PTPRN2: variants seen among roughly 807,000 people sequenced by gnomAD.
The protein encoded by PTPRN2 is protein tyrosine phosphatase receptor type N2.
A neutral mutation model predicts 118.8 loss-of-function variants in PTPRN2; 74 were observed. That is an observed-to-expected ratio of 0.62 (90% confidence interval 0.52 to 0.76). PTPRN2 has a LOEUF of 0.76. Among genes scored for constraint, PTPRN2 ranks in the 30% least tolerant of loss-of-function variants. PTPRN2 has a pLI of 0.00. For missense variants in PTPRN2, 1,481 were observed against 1,394.4 expected (o/e 1.06, Z -0.99); for synonymous variants, 641 against 608.0 (o/e 1.05, Z -0.80).
chr7:158,125,047 G>T (rs1054420949), intron 9 of PTPRN2, among the ~76,000 whole-genome samples: 6 of 152,208 alleles, frequency 3.9e-5, no homozygotes, highest in Non-Finnish European at 5.9e-5. Context: ...CCATAGGAGG[G>T]GAGACAGCTG....
At chr7:158,428,424 C>A (rs1387454035) in intron 2 of PTPRN2, among the ~76,000 whole-genome samples, 2 of 152,154 alleles carry the variant, frequency 1.3e-5, no homozygotes, top group African/African-American at 4.8e-5. Flanking sequence ...CGCACAGAAA[C>A]TGCAAAGGAG....
intron 10 of PTPRN2, among the ~76,000 whole-genome samples, chr7:158,094,564 C>T (rs1814473819): frequency 1.3e-5 from 2 of 152,192 alleles, no homozygotes; most frequent in African/African-American, 2.4e-5. Flanking sequence ...ACCTCGGCCT[C>T]CCAAACTGCT....
chr7:158,009,503 G>C (rs1805891881), intron 11 of PTPRN2, among the ~76,000 whole-genome samples: 1 of 152,140 alleles, frequency 6.6e-6, no homozygotes, highest in South Asian at 2.1e-4. Flanking sequence ...GTAAATAACA[G>C]CATATTAAAA....
intron 3 of PTPRN2, among the ~76,000 whole-genome samples, chr7:158,232,981 G>A (rs572363061): frequency 7.2e-5 from 11 of 152,188 alleles, no homozygotes; most frequent in African/African-American, 2.4e-4. Flanking sequence ...TAATGAATGG[G>A]GAAACACTGA....
chr7:158,060,498 C>T (rs965409604), intron 11 of PTPRN2, among the ~76,000 whole-genome samples: 3 of 152,226 alleles, frequency 2.0e-5, no homozygotes, highest in Non-Finnish European at 2.9e-5. Context: ...TGTACCTTCA[C>T]GAGGTGATCC....
At chr7:157,725,973 A>T (rs1799567582) in intron 12 of PTPRN2, among the ~76,000 whole-genome samples, 2 of 124,234 alleles carry the variant, frequency 1.6e-5, no homozygotes, top group African/African-American at 6.7e-5. Context: ...CCACATGCAG[A>T]GGAGTGAGCC....
intron 3 of PTPRN2, among the ~76,000 whole-genome samples, chr7:158,257,574 G>A (rs185984889): frequency 8.5e-5 from 13 of 152,308 alleles, no homozygotes; most frequent in Non-Finnish European, 1.6e-4. Context: ...GGACGACCCC[G>A]AGCCCCCAGT....
intron 3 of PTPRN2, among the ~76,000 whole-genome samples, chr7:158,231,505 G>C (rs1360329530): frequency 1.3e-5 from 2 of 152,118 alleles, no homozygotes; most frequent in Non-Finnish European, 2.9e-5. Context: ...GGAAGAGATA[G>C]CCCGCAATAC....
rs147111668 is a variant in PTPRN2, at chr7:158,015,454, TGAGA to T, written c.1723+65840_1723+65843del. The stretch of plus-strand genomic sequence containing the variant: ...AGGGAAAAAGTGAGAGGAGGGGTGG[TGAGA>T]GAGAGAGAGAGAGGAAGAGAGGGAG... On this transcript the variant is annotated intron_variant, in intron 11 of 22. Transcript: ENST00000389418. The surrounding 1 kb of genome is among the most constrained non-coding windows in gnomAD (Gnocchi z 4.2). Among the ~76,000 whole-genome samples, 36 of 127,664 alleles carry T rather than the reference TGAGA, an allele frequency of 2.8e-4. 1 individual carries two copies. The highest frequency in any genetic ancestry group is 1.8e-3 in the Admixed American group (21 of 11,474). 83.8% of individuals were successfully genotyped at this position (127,664 alleles called of 152,430 possible). A position where few individuals can be genotyped will look rare whatever the true frequency, so the allele number is the denominator to read the frequency against.
intron 11 of PTPRN2, among the ~76,000 whole-genome samples, chr7:158,020,427 G>C (rs1208696685): frequency 3.9e-5 from 6 of 152,214 alleles, no homozygotes; most frequent in African/African-American, 1.4e-4. Flanking sequence ...GCCACCTGCA[G>C]CTCTGGGTTG....
chr7:157,755,773 C>T (rs1370929455), intron 12 of PTPRN2, among the ~76,000 whole-genome samples: 1 of 152,188 alleles, frequency 6.6e-6, no homozygotes, highest in Non-Finnish European at 1.5e-5. Context: ...AAAACCACCC[C>T]TTGGCTACTA....
At position 158,067,132 on chromosome 7, in the gene PTPRN2, G is replaced by A. The variant is rs375246434; in HGVS notation, c.1723+14166C>T. ...TTACTATGGCCACAGGAGGGCTGAG[G>A]CATGTTAGATGGGTGGAGGGCAAGG... On this transcript the variant is annotated intron_variant, in intron 11 of 22. Transcript: ENST00000389418. Among the ~76,000 whole-genome samples the A allele has an allele frequency of 1.2e-3, 180 of 152,312 alleles. 1 individual carries two copies. The highest frequency in any genetic ancestry group is 3.9e-3 in the African/African-American group (163 of 41,568).
At chr7:158,303,544 T>C (rs960232519) in intron 3 of PTPRN2, among the ~76,000 whole-genome samples, 1 of 152,254 alleles carries the variant, frequency 6.6e-6, no homozygotes, top group African/African-American at 2.4e-5. Flanking sequence ...AAAATGTCAT[T>C]AAGCTTGCAA....
chr7:158,493,754 T>C (rs1586797000), intron 1 of PTPRN2, among the ~76,000 whole-genome samples: 1 of 94,616 alleles, frequency 1.1e-5, no homozygotes, highest in Non-Finnish European at 2.2e-5. Flanking sequence ...CGTACATGGG[T>C]ACACTCATGC....
intron 4 of PTPRN2, among the ~76,000 whole-genome samples, chr7:158,193,777 A>G (rs1825972317): frequency 6.6e-6 from 1 of 152,142 alleles, no homozygotes; most frequent in East Asian, 1.9e-4. Flanking sequence ...GCACATGACC[A>G]AAAGGGCCCA....
At chr7:157,735,543 G>A (rs566878191) in intron 12 of PTPRN2, among the ~76,000 whole-genome samples, 46 of 152,302 alleles carry the variant, frequency 3.0e-4, no homozygotes, top group African/African-American at 9.6e-4. Context: ...GAAATGATTA[G>A]GTTGTTCAAA....
intron 1 of PTPRN2, among the ~76,000 whole-genome samples, chr7:158,583,308 C>A (rs746497930): frequency 1.3e-5 from 2 of 152,132 alleles, no homozygotes; most frequent in Admixed American, 6.5e-5. Flanking sequence ...ACCTTTGTCC[C>A]GTGTACCCTG....
At position 158,405,177 on chromosome 7, in the gene PTPRN2, C is replaced by T. The variant is rs73729798; in HGVS notation, c.163+84558G>A. Among the ~76,000 whole-genome samples, 1,297 of 152,196 alleles carry T rather than the reference C, an allele frequency of 8.5e-3. 24 individuals are homozygous for T. The highest frequency in any genetic ancestry group is 0.03 in the African/African-American group (1,226 of 41,512). ...AAGACAGCATCACGAACATCCACAC[C>T]CCCTAGGATGCCTGGAGTCCACATC... On this transcript the variant is annotated intron_variant, in intron 2 of 22. Coordinates refer to ENST00000389418, the MANE Select transcript of PTPRN2 (RefSeq NM_002847.5).
intron 1 of PTPRN2, among the ~76,000 whole-genome samples, chr7:158,508,479 G>A (rs1822934260): frequency 6.6e-6 from 1 of 152,144 alleles, no homozygotes; most frequent in African/African-American, 2.4e-5. Flanking sequence ...CAGGACGAGG[G>A]TGTGGCCGTG....
Sources: allele counts gnomAD v4.1 joint callset (sites outside exome capture counted in the v4.1 genomes callset), GRCh38; gene constraint gnomAD v4.1.1; non-coding constraint Gnocchi (gnomAD v3.1); transcripts MANE v1.5; gene names NCBI Gene and HGNC (gene_info 2026-07-23, HGNC 2026-07-21).